Variants in YEATS2 observed in about 807,000 individuals in gnomAD.
YEATS2 encodes YEATS domain containing 2.
In YEATS2, 77 loss-of-function variants were observed where a neutral mutation model predicts 163.2. That is an observed-to-expected ratio of 0.47 (90% CI 0.39 to 0.57). The LOEUF (loss-of-function observed/expected upper bound fraction) is 0.57, where lower values mean the gene tolerates loss of function less well. Ranked by LOEUF, YEATS2 falls within the 20% of genes least tolerant of loss-of-function variation. YEATS2 has a pLI of 0.00. For synonymous variants in YEATS2, 631 were observed against 645.1 expected, an observed-to-expected ratio of 0.98 and a Z score of 0.33; for missense variants, 1,549 against 1,729.8, an observed-to-expected ratio of 0.90 and a Z score of 1.85.
intron 12 of YEATS2, among the ~76,000 whole-genome samples, chr3:183,758,540 T>C (rs1341194556): frequency 6.6e-6 from 1 of 152,168 alleles, no homozygotes; most frequent in African/African-American, 2.4e-5. Flanking sequence ...ATAGTGTCTT[T>C]TATTGTATAA....
chr3:183,730,460 G>A (rs886791171), intron 7 of YEATS2, among the ~76,000 whole-genome samples: 1 of 151,992 alleles, frequency 6.6e-6, no homozygotes, highest in African/African-American at 2.4e-5. Flanking sequence ...CTTCACCCCC[G>A]ACTCTTAAAC....
Position 183,758,344 on chromosome 3 carries a change from G to A in YEATS2, c.1553-518G>A, listed in dbSNP as rs963963544. On this transcript the variant is annotated intron_variant, in intron 12 of 30. Transcript: ENST00000305135. ...TGCACTCCACCCCGGGTGACAGAGC[G>A]AGACTCCATCTCAGGAAAAAAAAAT... 4.0e-5 allele frequency among the ~76,000 whole-genome samples: 6 copies of A among 148,324 alleles called. No homozygotes were observed. In the East Asian group the frequency reaches 8.2e-4, roughly 20 times the overall value.
intron 21 of YEATS2, among the ~76,000 whole-genome samples, chr3:183,797,184 G>A (rs538075129): frequency 6.6e-5 from 10 of 150,462 alleles, no homozygotes; most frequent in African/African-American, 2.0e-4. Context: ...CAGGAGAATC[G>A]CTTGAACCTG....
Position 183,715,160 on chromosome 3 carries a change from A to T in YEATS2, c.-3A>T, listed in dbSNP as rs758225840. 5 of 1,607,112 alleles carry T rather than the reference A, an allele frequency of 3.1e-6. No homozygotes were observed. The highest frequency in any genetic ancestry group is 4.3e-6 in the Non-Finnish European group (5 of 1,174,442). On this transcript the variant is annotated 5_prime_UTR_variant, in exon 2 of 31. Coordinates refer to ENST00000305135, the MANE Select transcript of YEATS2 (RefSeq NM_018023.5). Reference sequence around the variant, plus strand: ...GCTTCACAGTGAAGAACTGAATGTCATCATGTCTGGAATCAAGCGAACCAT... The same window carrying T: ...GCTTCACAGTGAAGAACTGAATGTCTTCATGTCTGGAATCAAGCGAACCAT...
At chr3:183,803,878 A>G (rs1333337618) in intron 26 of YEATS2, 109 bp from the exon 27 acceptor site, 1 of 1,248,812 alleles carries the variant, frequency 8.0e-7, no homozygotes, top group African/African-American at 1.5e-5. Flanking sequence ...CTTTAAAAAA[A>G]AAAATTCTAA....
intron 19 of YEATS2, among the ~76,000 whole-genome samples, chr3:183,784,208 A>G (rs1283097747): frequency 1.3e-5 from 2 of 152,044 alleles, no homozygotes; most frequent in Non-Finnish European, 2.9e-5. Context: ...TCTTTGAGAA[A>G]TCTCCAAACT....
chr3:183,802,391 G>T, intron 25 of YEATS2: 1 of 153,020 alleles, frequency 6.5e-6, no homozygotes, highest in East Asian at 1.9e-4. Flanking sequence ...GTAGGGTAAA[G>T]TTTGGGGGAT....
At chr3:183,752,684 G>A (rs1181802104) in intron 10 of YEATS2, among the ~76,000 whole-genome samples, 1 of 143,686 alleles carries the variant, frequency 7.0e-6, no homozygotes, top group Non-Finnish European at 1.5e-5. Context: ...ACTCCAGCCT[G>A]GACAACAGAG....
rs922217161 is a variant in YEATS2, at chr3:183,812,455, A to G, written c.*1872A>G. On this transcript the variant is annotated 3_prime_UTR_variant, in exon 31 of 31. Coordinates refer to ENST00000305135, the MANE Select transcript of YEATS2 (RefSeq NM_018023.5). ...ACAGAGGGAGAAAGATCTGATCCAA[A>G]TGAGAACAGATTGGTTATTGCAGGT... 6.6e-6 allele frequency: 1 copy of G among 152,664 alleles called. No homozygotes were observed. Among genetic ancestry groups the G allele is most frequent in the Non-Finnish European group, 1.5e-5 (1 of 68,040 alleles). 9.5% of individuals were successfully genotyped at this position (152,664 alleles called of 1,614,324 possible).
intron 7 of YEATS2, among the ~76,000 whole-genome samples, chr3:183,730,622 C>G (rs1717687817): frequency 1.3e-5 from 2 of 152,030 alleles, no homozygotes; most frequent in Admixed American, 1.3e-4. Context: ...CCTTTCCCTG[C>G]CAAGGGTGAC....
intron 20 of YEATS2, among the ~76,000 whole-genome samples, chr3:183,788,146 T>A (rs1724246461): frequency 6.6e-6 from 1 of 152,160 alleles, no homozygotes; most frequent in Admixed American, 6.6e-5. Context: ...GCATTTATCT[T>A]TTTTTTAAAC....
chr3:183,741,594 C>T (rs1718969981), intron 8 of YEATS2, among the ~76,000 whole-genome samples: 2 of 151,604 alleles, frequency 1.3e-5, no homozygotes, highest in African/African-American at 4.8e-5. Flanking sequence ...CCAGCCTGGC[C>T]AACGTGGCAA....
At chr3:183,787,091 A>T (rs765178605) in intron 20 of YEATS2, among the ~76,000 whole-genome samples, 90 of 152,200 alleles carry the variant, frequency 5.9e-4, no homozygotes, top group Non-Finnish European at 1.1e-3. Context: ...AGTAGCTGGG[A>T]CTACAGGCAC....
chr3:183,728,090 G>C (rs1717309934), intron 6 of YEATS2, among the ~76,000 whole-genome samples: 1 of 151,530 alleles, frequency 6.6e-6, no homozygotes, highest in South Asian at 2.1e-4. Flanking sequence ...TTTGAGGTAG[G>C]GTCTTGCTTT....
At chr3:183,709,981 G>A (rs1025156098) in intron 1 of YEATS2, among the ~76,000 whole-genome samples, 4 of 151,808 alleles carry the variant, frequency 2.6e-5, no homozygotes, top group Admixed American at 1.3e-4. Flanking sequence ...TGCCTGACCC[G>A]AGATAAAAAG....
chr3:183,805,234 C>CTACAAAAAT (rs201687492), intron 27 of YEATS2, among the ~76,000 whole-genome samples: 2 of 151,564 alleles, frequency 1.3e-5, no homozygotes, highest in South Asian at 2.1e-4. Context: ...GACCTTGTCG[C>CTACAAAAAT]TACAAAAATT....
At chr3:183,715,774 GA>G (rs1257975676) in intron 2 of YEATS2, among the ~76,000 whole-genome samples, 1 of 152,100 alleles carries the variant, frequency 6.6e-6, no homozygotes, top group Non-Finnish European at 1.5e-5. Flanking sequence ...AATGGTAGAA[GA>G]TTAGGAAACA....
intron 15 of YEATS2, among the ~76,000 whole-genome samples, chr3:183,770,446 T>C (rs1323262872): frequency 6.6e-6 from 1 of 152,208 alleles, no homozygotes; most frequent in Non-Finnish European, 1.5e-5. Context: ...CATTTCATTC[T>C]ACCTTCTAAA....
intron 15 of YEATS2, among the ~76,000 whole-genome samples, chr3:183,769,305 A>G (rs1722222595): frequency 6.6e-6 from 1 of 152,172 alleles, no homozygotes; most frequent in Non-Finnish European, 1.5e-5. Flanking sequence ...TGCTGAATCC[A>G]GAGGTTAAGA....
Sources: allele counts gnomAD v4.1 joint callset (sites outside exome capture counted in the v4.1 genomes callset), GRCh38; gene constraint gnomAD v4.1.1; transcripts MANE v1.5; gene names NCBI Gene and HGNC (gene_info 2026-07-23, HGNC 2026-07-21).